The following FREM3 variants were observed in gnomAD, a reference collection of about 807,000 sequenced individuals.
The protein encoded by FREM3 is FRAS1-related extracellular matrix protein 3.
FREM3 carries 105 observed loss-of-function variants against 129.1 expected under a neutral mutation model. The ratio of observed to expected loss-of-function variants is 0.81; its 90% confidence interval spans 0.69 to 0.96. The LOEUF is 0.96. Among genes scored for constraint, FREM3 ranks in the 40% least tolerant of loss-of-function variants. The pLI, the probability that FREM3 is intolerant of heterozygous loss-of-function variation, is 0.00. For synonymous variants in FREM3, 1,014 were observed against 1,044.9 expected, an observed-to-expected ratio of 0.97 and a Z score of 0.57; for missense variants, 2,593 against 2,666.3, an observed-to-expected ratio of 0.97 and a Z score of 0.61.
rs1250657253 is a variant in FREM3 at position 143,698,443 on chromosome 4, G to A, written c.2233C>T (p.Leu745=). 1.7e-5 allele frequency: 26 copies of A among 1,537,798 alleles called. 1 individual carries two copies. The highest frequency in any genetic ancestry group is 5.5e-5 in the African/African-American group (4 of 73,038). ...SDDQNLWYTL[L]TLPTDTDGNH... ...CCATCTGTGTCAGTCGGGAGTGTCA[G>A]TAGGGTGTACCATAGGTTCTGGTCA... is the stretch of plus-strand genomic sequence containing the variant. Residue 745 remains leucine, a synonymous_variant, in exon 1 of 8, where the codon CTG becomes TTG. Transcript: ENST00000329798.
At chr4:143,619,790 T>A (rs1377336536) in intron 5 of FREM3, among the ~76,000 whole-genome samples, 3 of 152,014 alleles carry the variant, frequency 2.0e-5, no homozygotes, top group African/African-American at 7.2e-5. Context: ...ACTATTAAAG[T>A]TTCCATCTGC....
At chr4:143,615,736 CAAACA>C (rs1019787103) in intron 5 of FREM3, among the ~76,000 whole-genome samples, 1 of 150,832 alleles carries the variant, frequency 6.6e-6, no homozygotes, top group African/African-American at 2.4e-5. Flanking sequence ...CAAAAACCCA[CAAACA>C]AAACAAAATT....
intron 2 of FREM3, among the ~76,000 whole-genome samples, chr4:143,673,944 T>G (rs899053576): frequency 6.6e-6 from 1 of 152,190 alleles, no homozygotes; most frequent in Non-Finnish European, 1.5e-5. Flanking sequence ...ATTGGAAAAG[T>G]GCAGTATTAG....
chr4:143,597,315 G>C (rs909854994), intron 6 of FREM3, among the ~76,000 whole-genome samples: 1 of 152,072 alleles, frequency 6.6e-6, no homozygotes, highest in Non-Finnish European at 1.5e-5. Context: ...GACGTCAACG[G>C]CAAAAACCCA....
chr4:143,695,792 A>C lies in FREM3; in HGVS notation c.4884T>G (p.Thr1628=). The part of the protein sequence containing the change: ...DSFSLTVTDG[T]HTDFYVLPDT... ...CTGGTAGGACATAGAAATCAGTGTG[A>C]GTGCCGTCTGTCACAGTCAAGGAGA... The change falls in exon 1 of 8, where the codon ACT becomes ACG. Residue 1628 remains threonine, a synonymous_variant. Coordinates refer to ENST00000329798, the MANE Select transcript of FREM3 (RefSeq NM_001168235.2). 6.5e-7 allele frequency: 1 copy of C among 1,537,262 alleles called. No homozygotes were observed. Among genetic ancestry groups the C allele is most frequent in the Non-Finnish European group, 8.7e-7 (1 of 1,146,918 alleles).
At chr4:143,666,600 A>G (rs1204300313) in intron 2 of FREM3, among the ~76,000 whole-genome samples, 2 of 152,190 alleles carry the variant, frequency 1.3e-5, no homozygotes, top group Non-Finnish European at 2.9e-5. Context: ...CCTTTAAGAC[A>G]ATATGCTAAG....
chr4:143,662,173 G>T (rs1397739942), intron 2 of FREM3, among the ~76,000 whole-genome samples: 3 of 152,046 alleles, frequency 2.0e-5, no homozygotes, highest in Non-Finnish European at 4.4e-5. Context: ...TTCTTTAATT[G>T]TGATGTTAGG....
intron 2 of FREM3, among the ~76,000 whole-genome samples, chr4:143,674,853 A>G (rs1740078375): frequency 6.6e-6 from 1 of 152,250 alleles, no homozygotes; most frequent in African/African-American, 2.4e-5. Flanking sequence ...TGTCCTAAAT[A>G]TATATTCACC....
chr4:143,695,657 G>A lies in FREM3; in HGVS notation c.5019C>T (p.Arg1673=), dbSNP rs1740551803. ...GGAAGCCCATGTGTCCAGTGTGAAG[G>A]CGCTTCAAGGCTGGGGCACCCCTGT... ...TTNRGAPALK[R]LHTGHMGFLI... is the part of the protein sequence containing the mutation. The change falls in exon 1 of 8, where the codon CGC becomes CGT. Residue 1673 remains arginine (R), a synonymous_variant. Coordinates refer to ENST00000329798, the MANE Select transcript of FREM3 (RefSeq NM_001168235.2). 3 of 1,537,230 alleles carry A rather than the reference G, an allele frequency of 2.0e-6. No homozygotes were observed. The South Asian group carries it at 3.6e-5, about 18-fold the overall frequency.
At chr4:143,601,883 G>A (rs1738579432) in intron 6 of FREM3, 1 of 151,920 alleles carries the variant, frequency 6.6e-6, no homozygotes, top group African/African-American at 2.4e-5. Flanking sequence ...TTTGACAGGG[G>A]GATATTCAAT....
intron 6 of FREM3, among the ~76,000 whole-genome samples, chr4:143,595,723 T>TA (rs1238486240): frequency 1.3e-5 from 2 of 151,846 alleles, no homozygotes; most frequent in East Asian, 1.9e-4. Flanking sequence ...CCGTCTCTAC[T>TA]AAAAATACAA....
Position 143,696,917 on chromosome 4 carries a change from G to T in FREM3, c.3759C>A (p.His1253Gln), listed in dbSNP as rs773793065. The change falls in exon 1 of 8, where the codon CAC becomes CAA. Residue 1253 changes from histidine to glutamine, a missense_variant. Physicochemically the swap from His to Gln is conservative, Grantham distance 24 (BLOSUM62 0). Transcript: ENST00000329798. ...CCTGGATCTCCTTGAGGGTGAAGCT[G>T]TGGATGGGCTGGCTGCCTGTAGCCA... is the stretch of plus-strand genomic sequence containing the variant. ...QQLATGSQPI[H>Q]SFTLKEIQEA... 1.3e-6 allele frequency: 2 copies of T among 1,537,578 alleles called. No homozygotes were observed. Among genetic ancestry groups the T allele is most frequent in the Non-Finnish European group, 1.7e-6 (2 of 1,147,002 alleles).
intron 7 of FREM3, among the ~76,000 whole-genome samples, chr4:143,581,684 GGAGCCAAGTCTCTCTTCCCTGTGA>G (rs1738145784): frequency 6.6e-6 from 1 of 152,138 alleles, no homozygotes; most frequent in Admixed American, 6.5e-5. Context: ...CATATGGACA[GGAGCCAAGTCTCTCTTCCCTGTGA>G]GACCCCAACC....
intron 2 of FREM3, among the ~76,000 whole-genome samples, chr4:143,669,051 T>C (rs1171593495): frequency 1.3e-5 from 2 of 151,852 alleles, no homozygotes; most frequent in African/African-American, 4.9e-5. Context: ...AGTTAAGTCA[T>C]TTACGTATTG....
intron 2 of FREM3, among the ~76,000 whole-genome samples, chr4:143,646,224 G>C (rs899351244): frequency 2.0e-5 from 3 of 152,186 alleles, no homozygotes; most frequent in Non-Finnish European, 4.4e-5. Context: ...CAACATGAAA[G>C]CTTAAGAATG....
intron 7 of FREM3, among the ~76,000 whole-genome samples, chr4:143,581,537 C>T (rs1738142581): frequency 6.6e-6 from 1 of 151,578 alleles, no homozygotes; most frequent in African/African-American, 2.4e-5. Flanking sequence ...TCTGTGTCTT[C>T]CTGGGCTGGA....
At chr4:143,611,571 A>T in intron 5 of FREM3, 44 bp from the exon 6 acceptor site, 2 of 1,509,074 alleles carry the variant, frequency 1.3e-6, no homozygotes, top group Non-Finnish European at 1.8e-6. Context: ...GAAGAAATGG[A>T]ATTCCAAACA....
At chr4:143,613,441 T>C (rs1738795035) in intron 5 of FREM3, among the ~76,000 whole-genome samples, 1 of 152,300 alleles carries the variant, frequency 6.6e-6, no homozygotes, top group East Asian at 1.9e-4. Context: ...AGGCTGGCTC[T>C]TGGGATGTGA....
In FREM3 at chr4:143,695,956, A is replaced by G. The variant is rs1290986404; in HGVS notation, c.4720T>C (p.Phe1574Leu). ...TGCATGGGGACCTGGGTGATGGTAA[A>G]GAGAATAAGGTCATCTGGGGTATCA... ...DSDTPDDLIL[F>L]TITQVPMHGK... is the part of the protein sequence containing the mutation. The change falls in exon 1 of 8, where the codon TTT becomes CTT. Residue 1574 changes from phenylalanine (F) to leucine (L), a missense_variant. Physicochemically the swap from Phe to Leu is conservative, Grantham distance 22 (BLOSUM62 0). This residue lies in a region of FREM3 where 2,276 missense variants were observed against 2,267.2 expected (regional missense o/e 1.00). Transcript: ENST00000329798. 6.5e-7 allele frequency: 1 copy of G among 1,537,852 alleles called. No homozygotes were observed. Among genetic ancestry groups the G allele is most frequent in the South Asian group, 1.2e-5 (1 of 84,060 alleles).
Sources: gnomAD v4.1 joint callset for allele counts (sites outside exome capture counted in the v4.1 genomes callset) on GRCh38, gnomAD v4.1.1 for gene constraint, gnomAD v4.1.1 regional missense constraint, MANE v1.5 for transcripts, NCBI Gene and HGNC (gene_info 2026-07-23, HGNC 2026-07-21) for gene names.